The following ZNF346 variants were observed in gnomAD, a reference collection of about 807,000 sequenced individuals.
ZNF346 encodes the protein zinc finger protein 346.
In ZNF346, 23 loss-of-function variants were observed where a neutral mutation model predicts 33.7. The ratio of observed to expected loss-of-function variants is 0.68; its 90% CI spans 0.49 to 0.97. The LOEUF (loss-of-function observed/expected upper bound fraction) is 0.97, where lower values mean the gene tolerates loss of function less well. Ranked by LOEUF, ZNF346 falls within the 50% of genes least tolerant of loss-of-function variation. The pLI is 0.00. For missense variants in ZNF346, 340 were observed against 371.1 expected, an observed-to-expected ratio of 0.92 and a Z score of 0.69; for synonymous variants, 134 against 142.4, an observed-to-expected ratio of 0.94 and a Z score of 0.42.
In ZNF346 at chr5:177,024,155, T is replaced by TACACACACACACACAC. The variant is rs1265518619; in HGVS notation, c.175+1243_175+1244insCACACACACACACACA. On this transcript the variant is annotated intron_variant, in intron 1 of 6. Coordinates refer to ENST00000358149, the MANE Select transcript of ZNF346 (RefSeq NM_012279.4). ...TATATACACTTGTAAGTATTTTATG[T>TACACACACACACACAC]ATACACACACACACACACACACACT... Among the ~76,000 whole-genome samples, 9 of 16,610 alleles carry TACACACACACACACAC rather than the reference T, an allele frequency of 5.4e-4. No homozygotes were observed. In the South Asian group the frequency reaches 0.015, roughly 28 times the overall value. 10.9% of individuals were successfully genotyped at this position (16,610 alleles called of 152,430 possible).
At chr5:177,046,226 G>A (rs1011330599) in intron 4 of ZNF346, among the ~76,000 whole-genome samples, 5 of 151,550 alleles carry the variant, frequency 3.3e-5, no homozygotes, top group Non-Finnish European at 5.9e-5. Context: ...GCTTGAACCC[G>A]GGAGCTGGAG....
chr5:177,024,793 T>C (rs977827590), intron 1 of ZNF346, among the ~76,000 whole-genome samples: 1 of 152,218 alleles, frequency 6.6e-6, no homozygotes, highest in Non-Finnish European at 1.5e-5. Flanking sequence ...AGAAAACCAC[T>C]GTGCTCTGAA....
At position 177,077,976 on chromosome 5, in the gene ZNF346, A is replaced by G. The variant is rs1039666198; in HGVS notation, c.*3-1406A>G. The stretch of plus-strand genomic sequence containing the variant: ...AGCCTGGTCAACATGGTGAAACCCC[A>G]TCTCTACTAAAAATATAAAAATTAG... On this transcript the variant is annotated intron_variant, in intron 8 of 8. Coordinates refer to the ZNF346 transcript ENST00000503039. This position sits in a 1 kb window ranked among gnomAD's most constrained non-coding sequence, Gnocchi z 5.0. 5.9e-5 allele frequency among the ~76,000 whole-genome samples: 9 copies of G among 151,970 alleles called. No homozygotes were observed. Among genetic ancestry groups the G allele is most frequent in the African/African-American group, 1.7e-4 (7 of 41,366 alleles).
At position 177,022,883 on chromosome 5, in the gene ZNF346, T is replaced by C. The variant is rs1371525098; in HGVS notation, c.145T>C (p.Ser49Pro). The change falls in exon 1 of 7, where the codon TCC becomes CCC. Residue 49 changes from serine (S) to proline (P), a missense_variant. Ser to Pro is a moderately conservative substitution (Grantham distance 74). Transcript: ENST00000358149. ...GGCGCGCCGCCTGTGGGAAGCCGTG[T>C]CCGGTGCCCAGCCGGTGGGTAGAGA... is the stretch of plus-strand genomic sequence containing the variant. ...ERARRLWEAV[S>P]GAQPVGREEV... 2.0e-6 allele frequency: 3 copies of C among 1,510,632 alleles called. No individual in the cohort carries two copies. The highest frequency in any genetic ancestry group is 2.7e-6 in the Non-Finnish European group (3 of 1,128,232). 93.6% of individuals were successfully genotyped at this position (1,510,632 alleles called of 1,614,324 possible). A position where few individuals can be genotyped will look rare whatever the true frequency, so the allele number is the denominator to read the frequency against.
chr5:177,050,565 C>T (rs1780712151), intron 4 of ZNF346, 186 bp from the exon 5 acceptor site: 1 of 631,890 alleles, frequency 1.6e-6, no homozygotes, highest in African/African-American at 1.8e-5. Context: ...AGAATGCATT[C>T]ACCTGTGTGA....
chr5:177,063,778 C>T (rs1782846797), intron 6 of ZNF346, among the ~76,000 whole-genome samples: 1 of 152,138 alleles, frequency 6.6e-6, no homozygotes, highest in Admixed American at 6.6e-5. Flanking sequence ...GTCCCAACTA[C>T]TTGAGAGGCT....
chr5:177,023,356 G>A, intron 1 of ZNF346: 1 of 753,542 alleles, frequency 1.3e-6, no homozygotes, highest in East Asian at 2.7e-5. Flanking sequence ...GCTCTGGAAG[G>A]CCTTCTCCTT....
At chr5:177,046,692 G>T (rs2149650730) in intron 4 of ZNF346, among the ~76,000 whole-genome samples, 1 of 152,082 alleles carries the variant, frequency 6.6e-6, no homozygotes, top group Non-Finnish European at 1.5e-5. Flanking sequence ...TAACATTTTG[G>T]TTTCTCCTAT....
At chr5:177,030,548 C>T (rs565677582) in intron 1 of ZNF346, among the ~76,000 whole-genome samples, 1 of 152,122 alleles carries the variant, frequency 6.6e-6, no homozygotes, top group South Asian at 2.1e-4. Context: ...ACCTCGTGAT[C>T]CGCCCGCCTC....
At chr5:177,038,794 C>G (rs1778910565) in intron 1 of ZNF346, among the ~76,000 whole-genome samples, 1 of 152,004 alleles carries the variant, frequency 6.6e-6, no homozygotes, top group African/African-American at 2.4e-5. Flanking sequence ...ACTCTGACCC[C>G]TGGGTATTAC....
intron 4 of ZNF346, among the ~76,000 whole-genome samples, chr5:177,046,831 C>G (rs148293125): frequency 6.6e-6 from 1 of 152,170 alleles, no homozygotes; most frequent in East Asian, 1.9e-4. Flanking sequence ...AAATAACTTT[C>G]ATGTTTTTAT....
chr5:177,024,533 C>G (rs374349389), intron 1 of ZNF346, among the ~76,000 whole-genome samples: 1 of 152,128 alleles, frequency 6.6e-6, no homozygotes, highest in Admixed American at 6.6e-5. Flanking sequence ...GTTTCCTCCC[C>G]TACCCCAATT....
intron 8 of ZNF346, among the ~76,000 whole-genome samples, chr5:177,073,826 GGA>G (rs1491280233): frequency 2.1e-5 from 3 of 144,852 alleles, no homozygotes; most frequent in African/African-American, 8.0e-5. Context: ...GGCGGGCGGG[GGA>G]GGGGGGGGGT....
At chr5:177,052,166 AAAAC>A (rs1781023023) in intron 5 of ZNF346, among the ~76,000 whole-genome samples, 1 of 148,480 alleles carries the variant, frequency 6.7e-6, no homozygotes, top group South Asian at 2.1e-4. Context: ...ATGTATCAAA[AAAAC>A]AATTTTTTTT....
chr5:177,071,018 A>G (rs930008908), downstream of ZNF346, among the ~76,000 whole-genome samples: 1 of 152,218 alleles, frequency 6.6e-6, no homozygotes, highest in African/African-American at 2.4e-5. Flanking sequence ...CTGTTTGAAT[A>G]TAACAACCCA....
chr5:177,054,565 A>AT (rs1013836081), intron 5 of ZNF346, among the ~76,000 whole-genome samples: 2 of 149,688 alleles, frequency 1.3e-5, no homozygotes, highest in Admixed American at 6.7e-5. Context: ...TGCCCGGCTA[A>AT]TTTTTTTTTA....
At chr5:177,032,071 T>G (rs1473596440) in intron 1 of ZNF346, among the ~76,000 whole-genome samples, 2 of 134,526 alleles carry the variant, frequency 1.5e-5, no homozygotes, top group East Asian at 5.2e-4. Flanking sequence ...TGGCACAATC[T>G]CAGCTCACTG....
In ZNF346 at chr5:177,067,891, G is replaced by A. The variant is rs1028208175; in HGVS notation, c.*3292G>A. On this transcript the variant is annotated 3_prime_UTR_variant, in exon 7 of 7. Transcript: ENST00000358149. ...AGGCCAAGGCGGGTGTATCACTTGC[G>A]GCCGGGAGTTTAAGACCATCCTGGC... Among the ~76,000 whole-genome samples, 8 of 152,018 alleles carry A rather than the reference G, an allele frequency of 5.3e-5. No homozygotes were observed. The highest frequency in any genetic ancestry group is 7.3e-5 in the African/African-American group (3 of 41,378).
At chr5:177,027,462 T>C (rs991948577) in intron 1 of ZNF346, among the ~76,000 whole-genome samples, 1 of 151,534 alleles carries the variant, frequency 6.6e-6, no homozygotes, top group African/African-American at 2.4e-5. Context: ...GGCTCACATC[T>C]GTAATCCCAG....
Sources: gnomAD v4.1 joint callset for allele counts (sites outside exome capture counted in the v4.1 genomes callset) on GRCh38, gnomAD v4.1.1 for gene constraint, Gnocchi (gnomAD v3.1) non-coding constraint, MANE v1.5 for transcripts, NCBI Gene and HGNC (gene_info 2026-07-23, HGNC 2026-07-21) for gene names.